The following RNF220 variants were observed in gnomAD, a reference collection of about 807,000 sequenced individuals.
The protein encoded by RNF220 is ring finger protein 220.
A neutral mutation model predicts 67.1 loss-of-function variants in RNF220; 7 were observed. The ratio of observed to expected loss-of-function variants is 0.10; its 90% CI spans 0.06 to 0.20. RNF220 has a LOEUF of 0.20. Among genes scored for constraint, RNF220 ranks in the 10% least tolerant of loss-of-function variants. The pLI is 1.00. For synonymous variants in RNF220, 270 were observed against 283.2 expected (o/e 0.95, Z 0.47); for missense variants, 565 against 740.3 (o/e 0.76, Z 2.75).
chr1:44,427,659 A>G (rs11210998), intron 2 of RNF220, among the ~76,000 whole-genome samples: 9,716 of 152,284 alleles, frequency 0.064, 356 homozygotes, highest in African/African-American at 0.082. Flanking sequence ...GTAGTTTAAG[A>G]AGAGCTAAAT....
chr1:44,651,025 T>G lies in RNF220; in HGVS notation c.*250T>G. Reference sequence around the variant, plus strand: ...GGGGCCATACCTGTTCCAGCTCTGTTCCCAGGGTGGGGCAGGGAGGTGGGG... The same window carrying G: ...GGGGCCATACCTGTTCCAGCTCTGTGCCCAGGGTGGGGCAGGGAGGTGGGG... On this transcript the variant is annotated 3_prime_UTR_variant, in exon 15 of 15. Transcript: ENST00000361799. 10 of 483,132 alleles carry G rather than the reference T, an allele frequency of 2.1e-5. No homozygotes were observed. The highest frequency in any genetic ancestry group is 3.4e-5 in the Non-Finnish European group (9 of 261,312). The allele number at this position is 483,132 out of a possible 1,614,324, so 29.9% of individuals were successfully genotyped here.
chr1:44,508,295 G>A (rs913300646), intron 2 of RNF220, among the ~76,000 whole-genome samples: 5 of 151,610 alleles, frequency 3.3e-5, no homozygotes, highest in African/African-American at 1.2e-4. Flanking sequence ...TCTGTGTAGA[G>A]AGAGGGTTTG....
At chr1:44,530,957 C>T (rs1340505572) in intron 2 of RNF220, among the ~76,000 whole-genome samples, 2 of 151,752 alleles carry the variant, frequency 1.3e-5, no homozygotes, top group Non-Finnish European at 2.9e-5. Context: ...GGTGAGACTC[C>T]GTCTTAAATA....
At chr1:44,577,827 G>A (rs1449720949) in intron 2 of RNF220, among the ~76,000 whole-genome samples, 7 of 149,554 alleles carry the variant, frequency 4.7e-5, no homozygotes, top group East Asian at 3.9e-4. Context: ...TTAGTTGGGC[G>A]TGTCAAATGC....
chr1:44,531,376 C>T (rs1206474189), intron 2 of RNF220, among the ~76,000 whole-genome samples: 1 of 152,160 alleles, frequency 6.6e-6, no homozygotes, highest in East Asian at 1.9e-4. Flanking sequence ...TTCCCTTTTC[C>T]ATCTAGGAAG....
chr1:44,423,306 T>G (rs1649423574), intron 2 of RNF220, among the ~76,000 whole-genome samples: 1 of 152,164 alleles, frequency 6.6e-6, no homozygotes, highest in Non-Finnish European at 1.5e-5. Flanking sequence ...ACTCCAGAAT[T>G]GCCAAGGATT....
chr1:44,516,289 G>A (rs1037093606), intron 2 of RNF220, among the ~76,000 whole-genome samples: 47 of 152,314 alleles, frequency 3.1e-4, no homozygotes, highest in African/African-American at 1.1e-3. Flanking sequence ...ACTATGGTAA[G>A]TGCTAAGATA....
chr1:44,588,102 G>A (rs1025257965), intron 2 of RNF220, among the ~76,000 whole-genome samples: 4 of 152,166 alleles, frequency 2.6e-5, no homozygotes, highest in East Asian at 3.8e-4. Context: ...CATAAGCGGC[G>A]CTGGCAGGAA....
intron 2 of RNF220, among the ~76,000 whole-genome samples, chr1:44,447,934 G>A (rs566217729): frequency 3.3e-5 from 5 of 152,236 alleles, no homozygotes; most frequent in Admixed American, 2.0e-4. Flanking sequence ...TTTGCGCGTC[G>A]CTTAGCTACG....
intron 6 of RNF220, chr1:44,632,630 G>C: frequency 1.7e-6 from 1 of 582,794 alleles, no homozygotes; most frequent in South Asian, 2.1e-5. Context: ...CCCTGGGGGG[G>C]CAATAAGTGC....
intron 2 of RNF220, among the ~76,000 whole-genome samples, chr1:44,552,640 G>A (rs1346638058): frequency 2.5e-5 from 3 of 118,248 alleles, no homozygotes; most frequent in South Asian, 3.0e-4. Context: ...GCGCAATCTC[G>A]GCTCCCTGCA....
chr1:44,636,324 C>A, intron 8 of RNF220, 162 bp downstream of exon 8: 1 of 865,288 alleles, frequency 1.2e-6, no homozygotes, highest in Non-Finnish European at 1.9e-6. Context: ...GTGCTGCCTG[C>A]CTGTGATGTG....
intron 2 of RNF220, among the ~76,000 whole-genome samples, chr1:44,560,437 C>CA (rs201099345): frequency 0.012 from 1,816 of 151,568 alleles, 39 homozygotes; most frequent in African/African-American, 0.042. Flanking sequence ...ACCAAATGGA[C>CA]AAAAAAAAGG....
At chr1:44,607,493 T>C (rs1404601755) in intron 2 of RNF220, among the ~76,000 whole-genome samples, 2 of 150,694 alleles carry the variant, frequency 1.3e-5, no homozygotes, top group African/African-American at 2.4e-5. Context: ...TTTTCTTTTT[T>C]TTTTTTTTTT....
intron 2 of RNF220, among the ~76,000 whole-genome samples, chr1:44,419,151 T>G (rs532891017): frequency 6.6e-6 from 1 of 152,370 alleles, no homozygotes; most frequent in East Asian, 1.9e-4. Context: ...AAGGATAATT[T>G]ATTGCTATAT....
intron 5 of RNF220, among the ~76,000 whole-genome samples, chr1:44,630,244 C>G (rs1037859253): frequency 2.0e-5 from 3 of 152,212 alleles, no homozygotes; most frequent in Non-Finnish European, 4.4e-5. Context: ...GGTTTGAATT[C>G]TCATTTACTT....
intron 2 of RNF220, among the ~76,000 whole-genome samples, chr1:44,413,816 A>G (rs1466187699): frequency 6.6e-6 from 1 of 152,000 alleles, no homozygotes; most frequent in African/African-American, 2.4e-5. Flanking sequence ...CCTCTTTATG[A>G]TGCCGAGGAG....
At chr1:44,607,849 C>T (rs1053989018) in intron 2 of RNF220, among the ~76,000 whole-genome samples, 5 of 151,950 alleles carry the variant, frequency 3.3e-5, no homozygotes, top group Non-Finnish European at 1.5e-5. Flanking sequence ...CTGGTTCCCA[C>T]GCATCCTTCA....
intron 7 of RNF220, 186 bp downstream of exon 7, chr1:44,635,774 C>T: frequency 2.2e-6 from 3 of 1,393,264 alleles, no homozygotes; most frequent in Non-Finnish European, 2.9e-6. Flanking sequence ...GTGGTCTCAG[C>T]AGCTTCTTCC....
Sources: allele counts gnomAD v4.1 joint callset (sites outside exome capture counted in the v4.1 genomes callset), GRCh38; gene constraint gnomAD v4.1.1; transcripts MANE v1.5; gene names NCBI Gene and HGNC (gene_info 2026-07-23, HGNC 2026-07-21).